MOB4: variants seen among roughly 807,000 people sequenced by gnomAD.
MOB4 encodes MOB family member 4, phocein.
A neutral mutation model predicts 32.2 loss-of-function variants in MOB4; 4 were observed. That is an observed-to-expected ratio of 0.12 (90% CI 0.06 to 0.28). MOB4 has a LOEUF of 0.28. Among genes scored for constraint, MOB4 ranks in the 10% least tolerant of loss-of-function variants. MOB4 has a pLI of 1.00. For synonymous variants in MOB4, 88 were observed against 88.1 expected (o/e 1.00, Z 0.01); for missense variants, 158 against 271.2 (o/e 0.58, Z 2.93).
At chr2:197,550,216 A>G in intron 6 of MOB4, 59 bp from the exon 7 acceptor site, 1 of 1,499,420 alleles carries the variant, frequency 6.7e-7, no homozygotes. Flanking sequence ...AAATTGGACT[A>G]TATTGTTCCT....
intron 3 of MOB4, 77 bp from the exon 4 acceptor site, chr2:197,540,034 C>A: frequency 6.7e-7 from 1 of 1,485,116 alleles, no homozygotes; most frequent in Non-Finnish European, 9.1e-7. Context: ...TGATGGGATT[C>A]TCTTTTTGCA....
Position 197,550,590 on chromosome 2 carries a change from G to T in MOB4, c.622G>T (p.Val208Leu), listed in dbSNP as rs541674711. 1.2e-6 allele frequency: 2 copies of T among 1,607,622 alleles called. No homozygotes were observed. The highest frequency in any genetic ancestry group is 1.7e-6 in the Non-Finnish European group (2 of 1,178,372). Residue 208 changes from valine (V) to leucine (L), a missense_variant, in exon 8 of 8, where the codon GTA (valine) becomes TTA (leucine). Transcript: ENST00000323303. Reference protein sequence around the residue: ...YNLMSKDNLIVPILEEEVQNS... With the variant: ...YNLMSKDNLILPILEEEVQNS... ...TTTGATGTCCAAGGATAACCTGATTGTACCAATTTTAGAAGAGGAAGTACA... is the reference window on the plus strand; with the variant it reads ...TTTGATGTCCAAGGATAACCTGATTTTACCAATTTTAGAAGAGGAAGTACA...
At chr2:197,535,812 T>G (rs1352717640) in intron 3 of MOB4, among the ~76,000 whole-genome samples, 182 bp downstream of exon 3, 1 of 152,212 alleles carries the variant, frequency 6.6e-6, no homozygotes, top group Non-Finnish European at 1.5e-5. Flanking sequence ...CAGGTCAAAT[T>G]ATGCTGCAGA....
At chr2:197,539,917 A>T (rs1248520551) in intron 3 of MOB4, among the ~76,000 whole-genome samples, 194 bp from the exon 4 acceptor site, 1 of 152,184 alleles carries the variant, frequency 6.6e-6, no homozygotes, top group East Asian at 1.9e-4. Flanking sequence ...ATTGAATGTT[A>T]TGAGGGTTAT....
chr2:197,529,110 T>C (rs2086658303), intron 2 of MOB4, among the ~76,000 whole-genome samples: 1 of 151,948 alleles, frequency 6.6e-6, no homozygotes. Context: ...CTCGAGTAGC[T>C]GGGATTACAG....
At chr2:197,526,533 G>A (rs948197730) in intron 2 of MOB4, among the ~76,000 whole-genome samples, 1 of 152,118 alleles carries the variant, frequency 6.6e-6, no homozygotes, top group African/African-American at 2.4e-5. Flanking sequence ...GGCCAGGCCG[G>A]TCTTGAACTC....
intron 2 of MOB4, among the ~76,000 whole-genome samples, chr2:197,528,147 A>G (rs756678206): frequency 6.6e-6 from 1 of 152,108 alleles, no homozygotes; most frequent in African/African-American, 2.4e-5. Flanking sequence ...TTTAACATTG[A>G]TGTGCTGAAT....
At chr2:197,533,598 G>T (rs988345097) in intron 2 of MOB4, among the ~76,000 whole-genome samples, 1 of 151,774 alleles carries the variant, frequency 6.6e-6, no homozygotes, top group Non-Finnish European at 1.5e-5. Context: ...GATGGCAGGT[G>T]CTTGTATTCC....
chr2:197,521,843 T>C (rs1431444356), intron 1 of MOB4, among the ~76,000 whole-genome samples: 3 of 152,220 alleles, frequency 2.0e-5, no homozygotes, highest in African/African-American at 7.2e-5. Context: ...GGTGCCCAGA[T>C]TTCATATTGT....
chr2:197,545,019 G>A (rs2086970287), intron 5 of MOB4, among the ~76,000 whole-genome samples: 1 of 152,142 alleles, frequency 6.6e-6, no homozygotes, highest in African/African-American at 2.4e-5. Flanking sequence ...GCATAGAGTT[G>A]CATACGACCC....
intron 1 of MOB4, among the ~76,000 whole-genome samples, chr2:197,523,084 TA>T (rs2086549743): frequency 6.6e-6 from 1 of 152,008 alleles, no homozygotes; most frequent in African/African-American, 2.4e-5. Flanking sequence ...TCTCTTTTGG[TA>T]AAAATCTGAT....
chr2:197,526,912 A>G (rs1268335609), intron 2 of MOB4, among the ~76,000 whole-genome samples: 1 of 152,084 alleles, frequency 6.6e-6, no homozygotes, highest in African/African-American at 2.4e-5. Context: ...GCTTTGTAGT[A>G]AGTTTTGAAC....
chr2:197,532,707 A>G (rs2106118982), intron 2 of MOB4, among the ~76,000 whole-genome samples: 1 of 151,530 alleles, frequency 6.6e-6, no homozygotes, highest in East Asian at 2.0e-4. Context: ...AAGTAAATAA[A>G]AGTCTCTGTG....
chr2:197,530,031 G>A (rs185253601), intron 2 of MOB4, among the ~76,000 whole-genome samples: 140 of 143,846 alleles, frequency 9.7e-4, no homozygotes, highest in African/African-American at 3.4e-3. Flanking sequence ...GTGCAGTGGC[G>A]CGATCTCGCC....
chr2:197,516,437 C>G, intron 1 of MOB4: 1 of 1,277,192 alleles, frequency 7.8e-7, no homozygotes, highest in Non-Finnish European at 1.0e-6. Flanking sequence ...GCAGCAACGG[C>G]TTCTTCTCGC....
At chr2:197,544,079 GCT>G (rs1368114991) in intron 5 of MOB4, among the ~76,000 whole-genome samples, 1 of 150,318 alleles carries the variant, frequency 6.7e-6, no homozygotes, top group Non-Finnish European at 1.5e-5. Context: ...CAAGAGTTTC[GCT>G]CTGTCGCCCA....
At chr2:197,536,778 A>G (rs1287027769) in intron 3 of MOB4, among the ~76,000 whole-genome samples, 1 of 150,590 alleles carries the variant, frequency 6.6e-6, no homozygotes, top group Non-Finnish European at 1.5e-5. Context: ...TTGTATTTTT[A>G]GTAGAGATGG....
intron 2 of MOB4, among the ~76,000 whole-genome samples, chr2:197,532,983 C>T (rs527442688): frequency 1.1e-3 from 170 of 152,002 alleles, no homozygotes; most frequent in Non-Finnish European, 2.2e-3. Context: ...TCTATAATCC[C>T]GGCTACTTGG....
At chr2:197,516,640 G>C in intron 1 of MOB4, 1 of 472,196 alleles carries the variant, frequency 2.1e-6, no homozygotes, top group Non-Finnish European at 4.4e-6. Flanking sequence ...TGTCTAGCCG[G>C]ATCCGGGTGC....
Sources: allele counts gnomAD v4.1 joint callset (sites outside exome capture counted in the v4.1 genomes callset), GRCh38; gene constraint gnomAD v4.1.1; transcripts MANE v1.5; gene names NCBI Gene and HGNC (gene_info 2026-07-23, HGNC 2026-07-21).